Variants in TMC4 observed in about 807,000 individuals in gnomAD.
TMC4 encodes voltage-gated chloride channel TMC4.
Under a neutral mutation model 82.0 loss-of-function variants are expected in TMC4, and 70 were observed. The observed-to-expected ratio is 0.85, with a 90% confidence interval of 0.70 to 1.04. The LOEUF (loss-of-function observed/expected upper bound fraction) is 1.04. Ranked by LOEUF, TMC4 falls within the 50% of genes least tolerant of loss-of-function variation. The pLI is 0.00. For missense variants in TMC4, 879 were observed against 899.0 expected (o/e 0.98, Z 0.28); for synonymous variants, 446 against 406.0 (o/e 1.10, Z -1.18).
At chr19:54,169,750 G>A (rs1171351110) in intron 2 of TMC4, 90 bp from the exon 3 acceptor site, 2 of 1,529,788 alleles carry the variant, frequency 1.3e-6, no homozygotes, top group East Asian at 2.3e-5. Flanking sequence ...GTAGAATGGA[G>A]AAGTAAATTG....
At chr19:54,165,836 C>T (rs1021457197) in intron 5 of TMC4, among the ~76,000 whole-genome samples, 3 of 151,862 alleles carry the variant, frequency 2.0e-5, no homozygotes, top group East Asian at 1.9e-4. Flanking sequence ...AGCCTCGGAG[C>T]GAAGGGGGCA....
chr19:54,163,233 C>T, intron 8 of TMC4, 74 bp from the exon 9 acceptor site: 1 of 1,568,412 alleles, frequency 6.4e-7, no homozygotes, highest in Non-Finnish European at 8.7e-7. Context: ...CAGTGGAACG[C>T]GCCCGCATTC....
At chr19:54,170,593 A>G (rs1387867507) in intron 2 of TMC4, among the ~76,000 whole-genome samples, 1 of 144,820 alleles carries the variant, frequency 6.9e-6, no homozygotes, top group Non-Finnish European at 1.5e-5. Flanking sequence ...TACAGGCTAC[A>G]CACATCCTCC....
At chr19:54,163,397 A>G in intron 8 of TMC4, 3 of 616,322 alleles carry the variant, frequency 4.9e-6, no homozygotes, top group South Asian at 2.0e-5. Context: ...TGCAACCTCC[A>G]CCTCCCAGGC....
At chr19:54,169,927 T>TA (rs1222134930) in intron 2 of TMC4, among the ~76,000 whole-genome samples, 1 of 135,960 alleles carries the variant, frequency 7.4e-6, no homozygotes, top group African/African-American at 2.6e-5. Context: ...CTGTCTCTAC[T>TA]AAAAATACCA....
chr19:54,171,862 G>T lies in TMC4; in HGVS notation c.293+8C>A, dbSNP rs1015372934. ...CTGTGCGGGTCCCAGCTGGAGGTGG[G>T]GCCTCACCTGTGTGCCCGTCTGGCC... On this transcript the variant is annotated splice_region_variant and intron_variant, in intron 2 of 14. Coordinates refer to ENST00000619895, the MANE Select transcript of TMC4 (RefSeq NM_144686.4). 2 of 1,590,156 alleles carry T rather than the reference G, an allele frequency of 1.3e-6. No individual in the cohort carries two copies. The highest frequency in any genetic ancestry group is 1.3e-5 in the African/African-American group (1 of 74,390).
intron 6 of TMC4, among the ~76,000 whole-genome samples, 175 bp downstream of exon 6, chr19:54,165,244 C>T (rs1394542329): frequency 2.0e-5 from 3 of 152,094 alleles, no homozygotes; most frequent in African/African-American, 7.2e-5. Context: ...GGAGCTCGGG[C>T]AGCCCTATCT....
intron 2 of TMC4, 27 bp from the exon 3 acceptor site, chr19:54,169,687 G>A: frequency 6.2e-7 from 1 of 1,610,576 alleles, no homozygotes; most frequent in Non-Finnish European, 8.5e-7. Flanking sequence ...CAGAAAATGA[G>A]GGGTTTCGCA....
At chr19:54,165,706 G>A in intron 5 of TMC4, 140 bp from the exon 6 acceptor site, 1 of 968,918 alleles carries the variant, frequency 1.0e-6, no homozygotes, top group East Asian at 2.6e-5. Context: ...CAGACCAGAT[G>A]GGGAAAGAGT....
intron 2 of TMC4, among the ~76,000 whole-genome samples, chr19:54,171,545 A>G (rs997379618): frequency 5.3e-5 from 8 of 152,214 alleles, no homozygotes; most frequent in Non-Finnish European, 8.8e-5. Flanking sequence ...GGAAGGTATA[A>G]AGCAGAGAGA....
chr19:54,164,640 C>G (rs748338626), intron 6 of TMC4, 39 bp from the exon 7 acceptor site: 1 of 1,607,426 alleles, frequency 6.2e-7, no homozygotes, highest in Non-Finnish European at 8.5e-7. Context: ...CTCCATTTCC[C>G]AAGGCGCGGG....
In TMC4 at chr19:54,164,026, A is replaced by G. The variant is rs115634916; in HGVS notation, c.1114-139T>C. 8,730 of 965,522 alleles carry G rather than the reference A, an allele frequency of 9.0e-3. 264 individuals carry two copies. The East Asian group carries it at 0.095, about 11-fold the overall frequency. 59.8% of individuals were successfully genotyped at this position (965,522 alleles called of 1,614,324 possible). ...GTCTCGCTCTGTTACCCAGCCTAGA[A>G]TGCAGCGGTGCGATCTCGGCTCGCT... On this transcript the variant is annotated intron_variant, in intron 7 of 14. Transcript: ENST00000619895.
intron 1 of TMC4, 168 bp downstream of exon 1, chr19:54,172,871 C>T: frequency 1.6e-6 from 1 of 644,950 alleles, no homozygotes; most frequent in South Asian, 2.0e-5. Flanking sequence ...CTCCTCAGAC[C>T]CTGGAGTTCC....
chr19:54,168,720 G>T, intron 3 of TMC4, 40 bp from the exon 4 acceptor site: 2 of 1,391,314 alleles, frequency 1.4e-6, no homozygotes. Context: ...TTCCTTCCCG[G>T]GAGCAGGACC....
chr19:54,172,681 T>C, intron 1 of TMC4: 1 of 281,584 alleles, frequency 3.6e-6, no homozygotes, highest in East Asian at 7.3e-5. Context: ...TCCACAGCCC[T>C]CAACTCCATC....
At chr19:54,162,015 G>T in intron 11 of TMC4, 87 bp downstream of exon 11, 1 of 1,216,114 alleles carries the variant, frequency 8.2e-7, no homozygotes, top group Non-Finnish European at 1.1e-6. Flanking sequence ...AGTAATCCAG[G>T]CCCCCAGGAT....
intron 5 of TMC4, 48 bp from the exon 6 acceptor site, chr19:54,165,614 C>A (rs1022125309): frequency 6.4e-7 from 1 of 1,571,714 alleles, no homozygotes; most frequent in Non-Finnish European, 8.7e-7. Context: ...CAGCCAGGAA[C>A]GGGGGTTATG....
chr19:54,168,714 T>G, intron 3 of TMC4, 34 bp from the exon 4 acceptor site: 101 of 1,413,114 alleles, frequency 7.1e-5, no homozygotes, highest in Middle Eastern at 4.4e-4. Flanking sequence ...CTCAGGTTCC[T>G]TCCCGGGAGC....
At position 54,168,287 on chromosome 19, in the gene TMC4, G is replaced by A; in HGVS notation, c.681C>T (p.Tyr227=). Residue 227 remains tyrosine (Y), a synonymous_variant, in exon 5 of 15, where the codon TAC becomes TAT. Transcript: ENST00000619895. The stretch of plus-strand genomic sequence containing the variant: ...CATAGAAGAGAGGGGACCATTCCAG[G>A]TAACCCTGTGGGGGGAAGGCGGCGC... ...QLFNLLSGEG[Y]LEWSPLFYGF... The A allele has an allele frequency of 6.4e-7, 1 of 1,552,582 alleles. No homozygotes were observed. Among genetic ancestry groups the A allele is most frequent in the South Asian group, 1.2e-5 (1 of 84,152 alleles).
Sources: allele counts gnomAD v4.1 joint callset (sites outside exome capture counted in the v4.1 genomes callset), GRCh38; gene constraint gnomAD v4.1.1; transcripts MANE v1.5; gene names NCBI Gene and HGNC (gene_info 2026-07-23, HGNC 2026-07-21).